The following SYT1 variants were observed in gnomAD, a reference collection of about 807,000 sequenced individuals.
The protein encoded by SYT1 is synaptotagmin-1.
SYT1 carries 8 observed loss-of-function variants against 44.8 expected under a neutral mutation model. The ratio of observed to expected loss-of-function variants is 0.18; its 90% CI spans 0.10 to 0.32. The LOEUF is 0.32. Ranked by LOEUF, SYT1 falls within the 10% of genes least tolerant of loss-of-function variation. The pLI is 1.00. For missense variants in SYT1, 286 were observed against 509.3 expected (o/e 0.56, Z 4.22); for synonymous variants, 154 against 188.8 (o/e 0.82, Z 1.51).
At chr12:79,285,099 C>T (rs1879244211) in intron 4 of SYT1, among the ~76,000 whole-genome samples, 1 of 152,186 alleles carries the variant, frequency 6.6e-6, no homozygotes, top group Non-Finnish European at 1.5e-5. Flanking sequence ...GCATCACCCA[C>T]ATCTGGAGAA....
intron 9 of SYT1, among the ~76,000 whole-genome samples, chr12:79,406,808 AAAGT>A (rs756762606): frequency 6.6e-6 from 1 of 152,164 alleles, no homozygotes; most frequent in Non-Finnish European, 1.5e-5. Flanking sequence ...AGTGAGAAAG[AAAGT>A]GAGTTAATAT....
intron 4 of SYT1, among the ~76,000 whole-genome samples, chr12:79,224,534 G>T (rs1017968456): frequency 3.9e-5 from 6 of 151,954 alleles, no homozygotes; most frequent in Non-Finnish European, 8.8e-5. Context: ...ACCTGGAAGA[G>T]CAAGAAGCCC....
intron 3 of SYT1, among the ~76,000 whole-genome samples, chr12:79,210,933 G>GTTTTTTTTTTTTTTTT (rs573715825): frequency 7.4e-6 from 1 of 135,184 alleles, no homozygotes; most frequent in Non-Finnish European, 1.6e-5. Context: ...ACATTTTAAA[G>GTTTTTTTTTTTTTTTT]TTTTTTTTTT....
chr12:79,253,276 G>A (rs1380914507), intron 4 of SYT1, among the ~76,000 whole-genome samples: 4 of 151,922 alleles, frequency 2.6e-5, no homozygotes, highest in African/African-American at 9.7e-5. Flanking sequence ...CCAAAGCTAC[G>A]CTCACTCTAT....
intron 8 of SYT1, among the ~76,000 whole-genome samples, chr12:79,313,730 A>C (rs1178416349): frequency 6.6e-6 from 1 of 152,000 alleles, no homozygotes; most frequent in African/African-American, 2.4e-5. Context: ...TCCGCTTACT[A>C]CTGATGTCTC....
chr12:79,265,257 A>G (rs1177068368), intron 4 of SYT1, among the ~76,000 whole-genome samples: 2 of 152,110 alleles, frequency 1.3e-5, no homozygotes, highest in Admixed American at 1.3e-4. Context: ...CTCATTTTAT[A>G]CAGAGGAAAA....
At chr12:79,052,527 G>A (rs867507126) in intron 3 of SYT1, among the ~76,000 whole-genome samples, 55 of 152,106 alleles carry the variant, frequency 3.6e-4, no homozygotes, top group African/African-American at 4.8e-4. Context: ...AAACTAAAGA[G>A]CTTCTGCACA....
intron 3 of SYT1, among the ~76,000 whole-genome samples, chr12:79,142,650 T>G (rs553220047): frequency 6.6e-6 from 1 of 152,292 alleles, no homozygotes; most frequent in Admixed American, 6.5e-5. Flanking sequence ...CAAATTCAAA[T>G]ATTAGTAAAA....
intron 4 of SYT1, among the ~76,000 whole-genome samples, chr12:79,269,488 A>G (rs1878307421): frequency 6.6e-6 from 1 of 152,138 alleles, no homozygotes; most frequent in Non-Finnish European, 1.5e-5. Flanking sequence ...CCACCCCTGT[A>G]TAGTTTAAAC....
chr12:79,229,595 TA>T (rs1279989838), intron 4 of SYT1, among the ~76,000 whole-genome samples: 1 of 69,274 alleles, frequency 1.4e-5, no homozygotes, highest in Non-Finnish European at 2.9e-5. Context: ...TTTTATTTTT[TA>T]TTTTTTTATT....
At chr12:79,214,564 A>C (rs555323740) in intron 3 of SYT1, among the ~76,000 whole-genome samples, 1 of 152,322 alleles carries the variant, frequency 6.6e-6, no homozygotes, top group South Asian at 2.1e-4. Flanking sequence ...AATGAAAACT[A>C]TTTAGCAACT....
Position 79,451,934 on chromosome 12 carries a change from A to G in SYT1, c.*2810A>G, listed in dbSNP as rs1247217680. 6.6e-6 allele frequency: 1 copy of G among 152,172 alleles called. No homozygotes were observed. Among genetic ancestry groups the G allele is most frequent in the Non-Finnish European group, 1.5e-5 (1 of 68,020 alleles). The allele number at this position is 152,172 out of a possible 1,614,324, so 9.4% of individuals were successfully genotyped here. On this transcript the variant is annotated 3_prime_UTR_variant, in exon 11 of 11. Transcript: ENST00000261205. ...CACTTTGTGTAGTGAATTCCACAGTAGTTTTCTGATTGTTGTTAAAAATGA... is the reference window on the plus strand; with the variant it reads ...CACTTTGTGTAGTGAATTCCACAGTGGTTTTCTGATTGTTGTTAAAAATGA...
chr12:79,341,689 G>C (rs1461591452), intron 8 of SYT1, among the ~76,000 whole-genome samples: 1 of 92,824 alleles, frequency 1.1e-5, no homozygotes, highest in East Asian at 3.8e-4. Context: ...TTTTTTTTGA[G>C]ACAGAGTCTC....
intron 3 of SYT1, among the ~76,000 whole-genome samples, chr12:79,108,739 G>T (rs1219624224): frequency 6.6e-6 from 1 of 152,130 alleles, no homozygotes; most frequent in African/African-American, 2.4e-5. Flanking sequence ...AATGCAGCAA[G>T]CTAGAACTTT....
chr12:79,180,377 G>C (rs897678053), intron 3 of SYT1, among the ~76,000 whole-genome samples: 1 of 152,012 alleles, frequency 6.6e-6, no homozygotes, highest in African/African-American at 2.4e-5. Context: ...TATAATTCTA[G>C]ACAAGCCTCA....
intron 3 of SYT1, among the ~76,000 whole-genome samples, chr12:79,063,796 C>T (rs1875560565): frequency 6.6e-6 from 1 of 152,108 alleles, no homozygotes; most frequent in Non-Finnish European, 1.5e-5. Flanking sequence ...ACACTACCCT[C>T]CTCTATCCCC....
intron 3 of SYT1, among the ~76,000 whole-genome samples, chr12:79,135,699 A>G (rs190610757): frequency 1.3e-5 from 2 of 152,278 alleles, no homozygotes; most frequent in East Asian, 1.9e-4. Context: ...CTTGCTTTCG[A>G]TAGTAAAAGG....
At chr12:78,973,423 T>C (rs1356196121) in intron 1 of SYT1, among the ~76,000 whole-genome samples, 1 of 152,104 alleles carries the variant, frequency 6.6e-6, no homozygotes, top group Non-Finnish European at 1.5e-5. Context: ...CCCCAGGCCC[T>C]GATAACCGCC....
intron 1 of SYT1, among the ~76,000 whole-genome samples, chr12:78,911,880 C>T (rs1876353277): frequency 1.3e-5 from 2 of 151,946 alleles, no homozygotes; most frequent in Admixed American, 6.6e-5. Flanking sequence ...CCCATTGGGA[C>T]TACCTACTTT....
Sources: allele counts gnomAD v4.1 joint callset (sites outside exome capture counted in the v4.1 genomes callset), GRCh38; gene constraint gnomAD v4.1.1; transcripts MANE v1.5; gene names NCBI Gene and HGNC (gene_info 2026-07-23, HGNC 2026-07-21).